RNF213: variants seen among roughly 807,000 people sequenced by gnomAD.
RNF213 encodes the protein E3 ubiquitin-protein ligase RNF213.
Under a neutral mutation model 514.4 loss-of-function variants are expected in RNF213, and 341 were observed. The observed-to-expected ratio is 0.66, with a 90% CI of 0.61 to 0.73. The LOEUF is 0.73. RNF213 is among the 30% of genes least tolerant of loss of function. RNF213 has a pLI of 0.00. For synonymous variants in RNF213, 2,655 were observed against 2,658.2 expected, an observed-to-expected ratio of 1.00 and a Z score of 0.04; for missense variants, 5,767 against 6,615.6, an observed-to-expected ratio of 0.87 and a Z score of 4.45.
intron 20 of RNF213, 111 bp downstream of exon 20, chr17:80,328,588 A>AT (rs112946552): frequency 1.8e-3 from 2,020 of 1,093,996 alleles, no homozygotes; most frequent in South Asian, 5.9e-3. Flanking sequence ...AGGCTTTAAA[A>AT]TTTTTTTTTT....
intron 25 of RNF213, 25 bp from the exon 26 acceptor site, chr17:80,339,176 C>T (rs1240661388): frequency 6.2e-6 from 9 of 1,455,102 alleles, no homozygotes; most frequent in Admixed American, 2.5e-5. Context: ...CTCTGTGAGC[C>T]AACCTCATGG....
intron 8 of RNF213, among the ~76,000 whole-genome samples, chr17:80,292,577 G>A (rs2044770259): frequency 6.6e-6 from 1 of 152,022 alleles, no homozygotes; most frequent in Non-Finnish European, 1.5e-5. Context: ...CCTGCTGGCT[G>A]TCATCCTCAG....
intron 46 of RNF213, among the ~76,000 whole-genome samples, chr17:80,371,293 C>T (rs2079508898): frequency 6.6e-6 from 1 of 152,228 alleles, no homozygotes; most frequent in Non-Finnish European, 1.5e-5. Context: ...CAATCAGCTG[C>T]AAAAACTATT....
chr17:80,271,145 C>T (rs897224905), intron 2 of RNF213, among the ~76,000 whole-genome samples: 15 of 150,974 alleles, frequency 9.9e-5, no homozygotes, highest in African/African-American at 3.6e-4. Flanking sequence ...GAGGGGCAGG[C>T]TCAGAATCCC....
intron 59 of RNF213, 126 bp downstream of exon 59, chr17:80,384,054 T>C (rs2080131865): frequency 1.3e-5 from 16 of 1,201,160 alleles, no homozygotes; most frequent in Admixed American, 6.9e-5. Context: ...TGGTTTTGAA[T>C]AGGATGTAGC....
At chr17:80,321,279 A>C (rs1186729084) in intron 17 of RNF213, 3 of 152,224 alleles carry the variant, frequency 2.0e-5, no homozygotes, top group Middle Eastern at 3.4e-3. Context: ...TGTATGTTGA[A>C]TTTTTCACTT....
intron 17 of RNF213, among the ~76,000 whole-genome samples, chr17:80,322,680 G>A (rs372275199): frequency 4.7e-4 from 71 of 152,276 alleles, no homozygotes; most frequent in African/African-American, 1.6e-3. Context: ...CTTCCAAAGT[G>A]TTGGGATTGA....
chr17:80,376,550 G>A lies in RNF213; in HGVS notation c.13428+7G>A, dbSNP rs370092120. The A allele has an allele frequency of 5.0e-6, 8 of 1,613,864 alleles. No individual in the cohort carries two copies. The African/African-American group carries it at 1.1e-4, about 22-fold the overall frequency. On this transcript the variant is annotated splice_region_variant and intron_variant, in intron 52 of 67. Coordinates refer to ENST00000582970, the MANE Select transcript of RNF213 (RefSeq NM_001256071.3). ...CTCCCCAGCCACCATGGCGGTAAGA[G>A]TAGGCCACAATTCCATCGGCCTTCA...
chr17:80,313,770 C>A lies in RNF213; in HGVS notation c.2811+603C>A, dbSNP rs372690213. On this transcript the variant is annotated intron_variant, in intron 15 of 67. Transcript: ENST00000582970. ...GCTGGTGGTGGAGGTGGTGGAGGTACTGGAGGTGATGGTGGTGGTGAAGGT... is the reference window on the plus strand; with the variant it reads ...GCTGGTGGTGGAGGTGGTGGAGGTAATGGAGGTGATGGTGGTGGTGAAGGT... 9.4e-3 allele frequency among the ~76,000 whole-genome samples: 781 copies of A among 82,972 alleles called. 8 individuals are homozygous for A. Among genetic ancestry groups the A allele is most frequent in the African/African-American group, 0.031 (655 of 21,036 alleles). The allele number at this position is 82,972 out of a possible 152,430, so 54.4% of individuals were successfully genotyped here.
intron 42 of RNF213, among the ~76,000 whole-genome samples, chr17:80,366,680 AATC>A (rs1483655052): frequency 1.9e-4 from 23 of 123,958 alleles, no homozygotes; most frequent in African/African-American, 6.3e-4. Flanking sequence ...AAAAAAAAAA[AATC>A]TGTAAATGTC....
intron 30 of RNF213, 102 bp downstream of exon 30, chr17:80,350,008 C>G: frequency 1.6e-6 from 2 of 1,271,198 alleles, no homozygotes; most frequent in Non-Finnish European, 2.3e-6. Flanking sequence ...GCGCCACAGT[C>G]ACGTGACTGT....
At chr17:80,382,819 G>T (rs1203112960) in intron 57 of RNF213, 160 bp from the exon 58 acceptor site, 1 of 622,138 alleles carries the variant, frequency 1.6e-6, no homozygotes, top group East Asian at 2.9e-5. Flanking sequence ...TAAGTTGGTG[G>T]TAACAACAGG....
In RNF213 at chr17:80,295,603, T is replaced by C. The variant is rs1177651034; in HGVS notation, c.1802T>C (p.Leu601Ser). ...WQHLKKHVVPLPDGKSTDFLP... is the reference protein window; with the variant it reads ...WQHLKKHVVPSPDGKSTDFLP... ...CATCTGAAAAAACACGTGGTACCAT[T>C]GCCGGACGGAAAAAGCACGGACTTT... The change falls in exon 10 of 68, where the codon TTG becomes TCG. Residue 601 changes from leucine (L) to serine (S), a missense_variant. Leu to Ser is a moderately radical substitution (Grantham distance 145). Transcript: ENST00000582970. 2.5e-6 allele frequency: 4 copies of C among 1,614,000 alleles called. No individual in the cohort carries two copies. The Admixed American group carries it at 6.7e-5, about 27-fold the overall frequency.
chr17:80,316,542 G>T (rs1005403552), intron 15 of RNF213: 4 of 167,522 alleles, frequency 2.4e-5, no homozygotes, highest in Non-Finnish European at 5.3e-5. Context: ...ATCCAGTCAG[G>T]ACAGGAGCTG....
At chr17:80,337,537 A>G in intron 23 of RNF213, 49 bp from the exon 24 acceptor site, 1 of 1,527,670 alleles carries the variant, frequency 6.5e-7, no homozygotes, top group Non-Finnish European at 8.8e-7. Context: ...GAGAAGGGCA[A>G]GATCCTCGCT....
At position 80,339,662 on chromosome 17, in the gene RNF213, G is replaced by T. The variant is rs368651945; in HGVS notation, c.5295G>T (p.Pro1765=). The T allele has an allele frequency of 2.6e-6, 4 of 1,537,190 alleles. No individual in the cohort carries two copies. Among genetic ancestry groups the T allele is most frequent in the Middle Eastern group, 1.7e-4 (1 of 5,990 alleles). Residue 1765 remains proline (P), a synonymous_variant, in exon 26 of 68, where the codon CCG becomes CCT. Coordinates refer to ENST00000582970, the MANE Select transcript of RNF213 (RefSeq NM_001256071.3). ...TGAGGAGAGTCATGGAAGAGCTCCC[G>T]CTGATGCTCTTATCAGAGTTCAGCC... is the stretch of plus-strand genomic sequence containing the variant. The part of the protein sequence containing the change: ...YRMRRVMEEL[P]LMLLSEFSLV...
At position 80,343,176 on chromosome 17, in the gene RNF213, C is replaced by T. The variant is rs2078210353; in HGVS notation, c.6034C>T (p.Gln2012Ter). The T allele has an allele frequency of 6.2e-7, 1 of 1,613,904 alleles. No homozygotes were observed. The highest frequency in any genetic ancestry group is 1.7e-5 in the Admixed American group (1 of 59,996). ...VKRLHDKMKM[Q>*]LNVKNVPLKT... ...GAGGTTGCACGACAAAATGAAGATG[C>T]AGTTAAACGTGAAAAATGTGCCTCT... The change falls in exon 27 of 68, where the codon CAG (glutamine) becomes TAG (stop). Residue 2012 changes from glutamine to a stop codon, truncating the protein, a stop_gained. Coordinates refer to ENST00000582970, the MANE Select transcript of RNF213 (RefSeq NM_001256071.3). LOFTEE classifies it high-confidence loss of function. This position sits in a 1 kb window ranked among gnomAD's most constrained non-coding sequence, Gnocchi z 4.3.
intron 14 of RNF213, among the ~76,000 whole-genome samples, chr17:80,310,827 C>T (rs1335082514): frequency 1.3e-5 from 2 of 152,256 alleles, no homozygotes; most frequent in Non-Finnish European, 2.9e-5. Flanking sequence ...GCTAGGATTA[C>T]AGGCATGAGC....
In RNF213 at chr17:80,288,121, G is replaced by T; in HGVS notation, c.568G>T (p.Ala190Ser). 1 of 1,608,966 alleles carries T rather than the reference G, an allele frequency of 6.2e-7. No individual in the cohort carries two copies. Reference sequence around the variant, plus strand: ...GGCAGGAGTGGCCACAGGAAGTGAGGCTCAGAGCAGCCCGCAATTCCAGGA... The same window carrying T: ...GGCAGGAGTGGCCACAGGAAGTGAGTCTCAGAGCAGCCCGCAATTCCAGGA... ...GEAGVATGSEAQSSPQFQDHT... is the reference protein window; with the variant it reads ...GEAGVATGSESQSSPQFQDHT... Residue 190 changes from alanine (A) to serine (S), a missense_variant, in exon 4 of 68, where the codon GCT becomes TCT. By Grantham distance (99) the Ala-to-Ser change is moderately conservative (BLOSUM62 1). Transcript: ENST00000582970. This position sits in a 1 kb window ranked among gnomAD's most constrained non-coding sequence, Gnocchi z 4.9.
Sources: allele counts gnomAD v4.1 joint callset (sites outside exome capture counted in the v4.1 genomes callset), GRCh38; gene constraint gnomAD v4.1.1; non-coding constraint Gnocchi (gnomAD v3.1); transcripts MANE v1.5; gene names NCBI Gene and HGNC (gene_info 2026-07-23, HGNC 2026-07-21).